Variants in EXOC6B observed in about 807,000 individuals in gnomAD.
EXOC6B encodes the protein SEC15 homolog B.
In EXOC6B, 54 loss-of-function variants were observed where a neutral mutation model predicts 113.5. The observed-to-expected ratio is 0.48, with a 90% CI of 0.38 to 0.60. The LOEUF (loss-of-function observed/expected upper bound fraction) is 0.60, where lower values mean the gene tolerates loss of function less well. EXOC6B is among the 20% of genes least tolerant of loss of function. EXOC6B has a pLI of 0.00. For synonymous variants in EXOC6B, 357 were observed against 339.0 expected (o/e 1.05, Z -0.58); for missense variants, 797 against 977.5 (o/e 0.82, Z 2.46).
rs1047387099 is a variant in EXOC6B at position 72,589,776 on chromosome 2, C to CA, written c.670-14109dup. ...TTTTTTTCTCCTCATATGTTTGCAC[C>CA]AAAAAAAAATGATATAACAGATCTG... On this transcript the variant is annotated intron_variant, in intron 6 of 21. Transcript: ENST00000272427. Among the ~76,000 whole-genome samples the CA allele has an allele frequency of 2.3e-4, 33 of 145,326 alleles. No individual in the cohort carries two copies. The East Asian group carries it at 3.2e-3, about 14-fold the overall frequency.
intron 6 of EXOC6B, among the ~76,000 whole-genome samples, chr2:72,708,723 C>T (rs185256942): frequency 2.6e-3 from 394 of 151,938 alleles, no homozygotes; most frequent in Non-Finnish European, 4.2e-3. Flanking sequence ...CTTTACTATA[C>T]GTAATTTAAA....
rs570990718 is a variant in EXOC6B at position 72,754,857 on chromosome 2, G to A, written c.114-13388C>T. On this transcript the variant is annotated intron_variant, in intron 1 of 21. Coordinates refer to ENST00000272427, the MANE Select transcript of EXOC6B (RefSeq NM_015189.3). ...TGGTCTCAAACTTCTGGGCTCAAGC[G>A]ATCCTCCCACCTTGGCCCCCCAAAC... Among the ~76,000 whole-genome samples, 60 of 151,920 alleles carry A rather than the reference G, an allele frequency of 3.9e-4. 1 individual carries two copies. Among genetic ancestry groups the A allele is most frequent in the African/African-American group, 1.3e-3 (55 of 41,474 alleles).
intron 20 of EXOC6B, among the ~76,000 whole-genome samples, chr2:72,189,535 C>G (rs1678674954): frequency 6.6e-6 from 1 of 152,198 alleles, no homozygotes; most frequent in Non-Finnish European, 1.5e-5. Context: ...ATTCAAATAT[C>G]TGTTATCCAG....
intron 20 of EXOC6B, among the ~76,000 whole-genome samples, chr2:72,240,359 A>C (rs999236660): frequency 6.6e-6 from 1 of 152,222 alleles, no homozygotes; most frequent in African/African-American, 2.4e-5. Flanking sequence ...AAACAGAAAA[A>C]TGCACTTGAA....
At chr2:72,343,043 A>G (rs901416343) in intron 19 of EXOC6B, among the ~76,000 whole-genome samples, 5 of 152,194 alleles carry the variant, frequency 3.3e-5, no homozygotes, top group African/African-American at 9.7e-5. Flanking sequence ...TATTAAGCCT[A>G]GTGTGGGGAT....
chr2:72,264,620 A>G (rs1306220560), intron 20 of EXOC6B, among the ~76,000 whole-genome samples: 1 of 151,452 alleles, frequency 6.6e-6, no homozygotes, highest in Non-Finnish European at 1.5e-5. Context: ...GTTTGGCTCT[A>G]TGTCCCCACC....
chr2:72,650,459 G>A (rs1221637055), intron 6 of EXOC6B, among the ~76,000 whole-genome samples: 2 of 152,106 alleles, frequency 1.3e-5, no homozygotes, highest in East Asian at 1.9e-4. Context: ...AAACTAGCCG[G>A]GCATGGTGGC....
At chr2:72,811,052 A>T (rs1685888852) in intron 1 of EXOC6B, among the ~76,000 whole-genome samples, 1 of 151,760 alleles carries the variant, frequency 6.6e-6, no homozygotes, top group Admixed American at 6.6e-5. Flanking sequence ...AACACAATAG[A>T]CCAGGTGGGG....
intron 18 of EXOC6B, among the ~76,000 whole-genome samples, chr2:72,415,076 T>C (rs1694438895): frequency 1.3e-5 from 2 of 152,204 alleles, no homozygotes; most frequent in Non-Finnish European, 1.5e-5. Context: ...TAACATTTTC[T>C]GTTTTTAAAT....
chr2:72,785,175 G>T (rs1298593407), intron 1 of EXOC6B, among the ~76,000 whole-genome samples: 3 of 152,356 alleles, frequency 2.0e-5, no homozygotes, highest in African/African-American at 7.2e-5. Flanking sequence ...GGTTCCCACA[G>T]TCTTGGACAG....
At chr2:72,502,192 T>C (rs1252457948) in intron 11 of EXOC6B, among the ~76,000 whole-genome samples, 1 of 152,246 alleles carries the variant, frequency 6.6e-6, no homozygotes, top group Non-Finnish European at 1.5e-5. Context: ...TTTAATCCTA[T>C]CTCATCTGAT....
intron 1 of EXOC6B, among the ~76,000 whole-genome samples, chr2:72,749,310 T>C (rs1052074376): frequency 6.6e-6 from 1 of 152,080 alleles, no homozygotes; most frequent in African/African-American, 2.4e-5. Flanking sequence ...TGTAATTCAG[T>C]GTGTTAAGTT....
intron 1 of EXOC6B, among the ~76,000 whole-genome samples, chr2:72,787,384 G>C (rs1310643871): frequency 6.6e-6 from 1 of 151,722 alleles, no homozygotes; most frequent in African/African-American, 2.4e-5. Flanking sequence ...TTTTTTAGTA[G>C]AGACAGGGTT....
chr2:72,220,739 CTG>C (rs532348154), intron 20 of EXOC6B, among the ~76,000 whole-genome samples: 2 of 152,158 alleles, frequency 1.3e-5, no homozygotes, highest in Non-Finnish European at 2.9e-5. Context: ...TGAAGACAAA[CTG>C]TGCACGATAC....
At chr2:72,467,088 T>G in intron 17 of EXOC6B, among the ~76,000 whole-genome samples, 1 of 152,194 alleles carries the variant, frequency 6.6e-6, no homozygotes, top group East Asian at 1.9e-4. Flanking sequence ...ATGCATATTC[T>G]TCTTTCTGTG....
At chr2:72,335,161 CTTCT>C (rs1323992128) in intron 19 of EXOC6B, 141 bp from the exon 20 acceptor site, 5 of 694,636 alleles carry the variant, frequency 7.2e-6, no homozygotes, top group Non-Finnish European at 1.2e-5. Context: ...CTCCCTTCAG[CTTCT>C]TTGTTTGCCC....
At chr2:72,405,426 G>C (rs1278064475) in intron 18 of EXOC6B, among the ~76,000 whole-genome samples, 1 of 152,180 alleles carries the variant, frequency 6.6e-6, no homozygotes, top group East Asian at 1.9e-4. Flanking sequence ...TCAAATGAAG[G>C]ACAAAATGTT....
intron 11 of EXOC6B, among the ~76,000 whole-genome samples, chr2:72,503,941 T>A (rs1700469883): frequency 1.3e-5 from 2 of 152,116 alleles, no homozygotes; most frequent in Non-Finnish European, 2.9e-5. Context: ...AGGGTCTCAC[T>A]CTGTCTCCCA....
chr2:72,772,189 C>T (rs1164512169), intron 1 of EXOC6B, among the ~76,000 whole-genome samples: 1 of 152,168 alleles, frequency 6.6e-6, no homozygotes, highest in Non-Finnish European at 1.5e-5. Context: ...TATGAGCACC[C>T]TACTTCACTG....
Sources: allele counts gnomAD v4.1 joint callset (sites outside exome capture counted in the v4.1 genomes callset), GRCh38; gene constraint gnomAD v4.1.1; transcripts MANE v1.5; gene names NCBI Gene and HGNC (gene_info 2026-07-23, HGNC 2026-07-21).